The following KIF4A variants were observed in gnomAD, a reference collection of about 807,000 sequenced individuals.
KIF4A encodes the protein kinesin family member 4A.
A neutral mutation model predicts 105.9 loss-of-function variants in KIF4A; 7 were observed. The observed-to-expected ratio is 0.07, with a 90% CI of 0.04 to 0.12. The LOEUF is 0.12. KIF4A is among the 10% of genes least tolerant of loss of function. The probability of loss-of-function intolerance (pLI) is 1.00; values close to 1 mark genes in which losing one functional copy is unlikely to be tolerated. For synonymous variants in KIF4A, 281 were observed against 331.3 expected, an observed-to-expected ratio of 0.85 and a Z score of 1.65; for missense variants, 558 against 929.2, an observed-to-expected ratio of 0.60 and a Z score of 5.19.
chrX:70,377,606 CA>C (rs1204855249), intron 18 of KIF4A, among the ~76,000 whole-genome samples: 1 of 112,287 alleles, frequency 8.9e-6, no homozygotes, highest in Non-Finnish European at 1.9e-5. Flanking sequence ...CAGGATAGAC[CA>C]TATGCTAGAC....
chrX:70,363,038 T>G (rs1192622162), intron 15 of KIF4A, among the ~76,000 whole-genome samples: 1 of 111,114 alleles, frequency 9.0e-6, no homozygotes, highest in Non-Finnish European at 1.9e-5. Flanking sequence ...TCCTCCCACC[T>G]CAGCCTCCTG....
At chrX:70,290,670 C>G in intron 2 of KIF4A, 21 bp from the exon 3 acceptor site, 1 of 1,203,095 alleles carries the variant, frequency 8.3e-7, no homozygotes, top group South Asian at 1.8e-5. Flanking sequence ...AACCTTACGC[C>G]TTGTCCCGTG....
chrX:70,345,593 A>G (rs1049046777), intron 13 of KIF4A, among the ~76,000 whole-genome samples: 1 of 112,171 alleles, frequency 8.9e-6, no homozygotes, highest in Non-Finnish European at 1.9e-5. Context: ...AAAGGGTTGT[A>G]TGTCCGTGTG....
intron 10 of KIF4A, among the ~76,000 whole-genome samples, chrX:70,340,584 T>C (rs1278983989): frequency 8.9e-6 from 1 of 112,410 alleles, no homozygotes; most frequent in Non-Finnish European, 1.9e-5. Context: ...TAGTTTTTTT[T>C]ATAATCTGCA....
intron 20 of KIF4A, among the ~76,000 whole-genome samples, chrX:70,393,719 T>G (rs1355985631): frequency 1.1e-5 from 1 of 94,842 alleles, no homozygotes; most frequent in African/African-American, 3.6e-5. Flanking sequence ...TAGTATGTTG[T>G]TTTTTTTTTT....
At chrX:70,333,301 C>T (rs1159541611) in intron 9 of KIF4A, among the ~76,000 whole-genome samples, 1 of 94,166 alleles carries the variant, frequency 1.1e-5, no homozygotes, top group East Asian at 3.3e-4. Flanking sequence ...CCCTGGGCGA[C>T]AGAGCAAGAC....
chrX:70,349,542 G>A (rs1204931841), intron 13 of KIF4A, among the ~76,000 whole-genome samples: 1 of 101,545 alleles, frequency 9.8e-6, no homozygotes, highest in African/African-American at 3.7e-5. Context: ...AGACCGGGCA[G>A]CCGGGCAGAG....
intron 28 of KIF4A, among the ~76,000 whole-genome samples, chrX:70,417,592 A>G (rs1316632208): frequency 8.9e-6 from 1 of 111,950 alleles, no homozygotes; most frequent in African/African-American, 3.2e-5. Flanking sequence ...GGTTGCAGTG[A>G]GCGGAGATCG....
chrX:70,351,622 T>C (rs1381110747), intron 13 of KIF4A, among the ~76,000 whole-genome samples: 1 of 112,407 alleles, frequency 8.9e-6, no homozygotes, highest in Non-Finnish European at 1.9e-5. Flanking sequence ...CATATCTTTA[T>C]GATCAGTTCT....
intron 22 of KIF4A, among the ~76,000 whole-genome samples, chrX:70,399,609 C>T (rs2086272751): frequency 1.8e-5 from 2 of 109,048 alleles, no homozygotes; most frequent in Admixed American, 2.0e-4. Flanking sequence ...GTAAATGAGC[C>T]ATTCAGATTG....
rs1249013250 is a variant in KIF4A, at chrX:70,395,957, A to G, written c.2397A>G (p.Thr799=). 1 of 1,207,717 alleles carries G rather than the reference A, an allele frequency of 8.3e-7. No individual in the cohort carries two copies. The highest frequency in any genetic ancestry group is 1.8e-5 in the South Asian group (1 of 56,543). ...CTCACTATTATTTACAGAGGCGTAC[A>G]TTCTCCCTTACTGAAGTGCGTGGTC... ...ENPPPKLRRR[T]FSLTEVRGQV... Residue 799 remains threonine (T), a synonymous_variant, in exon 22 of 31, where the codon ACA becomes ACG. Transcript: ENST00000374403.
chrX:70,420,332 G>A lies in KIF4A; in HGVS notation c.*67G>A. ...TGCTTTCAGGTTGCAGCCAGAAGGG[G>A]TTTTTTAAATGACTTCTCTGGATTT... On this transcript the variant is annotated 3_prime_UTR_variant, in exon 31 of 31. Transcript: ENST00000374403. 1 of 1,112,259 alleles carries A rather than the reference G, an allele frequency of 9.0e-7. No individual in the cohort carries two copies. Among genetic ancestry groups the A allele is most frequent in the Non-Finnish European group, 1.2e-6 (1 of 843,312 alleles). 91.7% of individuals were successfully genotyped at this position (1,112,259 alleles called of 1,213,427 possible).
At chrX:70,335,184 A>G (rs1041912026) in intron 10 of KIF4A, among the ~76,000 whole-genome samples, 1 of 112,571 alleles carries the variant, frequency 8.9e-6, no homozygotes, top group Non-Finnish European at 1.9e-5. Flanking sequence ...AATGTGGTAT[A>G]TACATGCAAC....
intron 10 of KIF4A, among the ~76,000 whole-genome samples, 192 bp from the exon 11 acceptor site, chrX:70,341,607 A>G (rs2085972605): frequency 8.9e-6 from 1 of 111,918 alleles, no homozygotes; most frequent in Admixed American, 9.5e-5. Flanking sequence ...AGATGTGTTT[A>G]TTGTACATCC....
intron 3 of KIF4A, among the ~76,000 whole-genome samples, chrX:70,296,083 CT>C (rs386417082): frequency 6.2e-5 from 4 of 65,034 alleles, no homozygotes; most frequent in Non-Finnish European, 7.7e-5. Flanking sequence ...ATAAATGATG[CT>C]TTTTTTTTTT....
intron 28 of KIF4A, among the ~76,000 whole-genome samples, 156 bp downstream of exon 28, chrX:70,407,231 C>G (rs376765480): frequency 5.4e-5 from 6 of 111,326 alleles, no homozygotes; most frequent in African/African-American, 2.0e-4. Flanking sequence ...TCTCAGCCTC[C>G]TGAGTACCTG....
rs534850980 is a variant in KIF4A, at chrX:70,294,113, A to T, written c.236-2885A>T. Among the ~76,000 whole-genome samples the T allele has an allele frequency of 1.6e-4, 18 of 112,239 alleles. No homozygotes were observed. The South Asian group carries it at 6.3e-3, about 39-fold the overall frequency. The stretch of plus-strand genomic sequence containing the variant: ...TTATTCTGTAAGCTTTTTTCTTTTT[A>T]AAAAAATATATTTTTTTACTTTTTA... On this transcript the variant is annotated intron_variant, in intron 3 of 30. Transcript: ENST00000374403.
intron 28 of KIF4A, among the ~76,000 whole-genome samples, chrX:70,414,872 TCTCA>T (rs2086336940): frequency 1.8e-5 from 2 of 111,780 alleles, no homozygotes; most frequent in South Asian, 7.5e-4. Context: ...TGAGGTCTCT[TCTCA>T]CTCTGTTCCT....
At chrX:70,297,459 G>T (rs1039070875) in intron 4 of KIF4A, among the ~76,000 whole-genome samples, 66 of 112,227 alleles carry the variant, frequency 5.9e-4, no homozygotes, top group African/African-American at 2.1e-3. Context: ...CTCTGTTACT[G>T]ATTACCTGTA....
Sources: allele counts gnomAD v4.1 joint callset (sites outside exome capture counted in the v4.1 genomes callset), GRCh38; gene constraint gnomAD v4.1.1; transcripts MANE v1.5; gene names NCBI Gene and HGNC (gene_info 2026-07-23, HGNC 2026-07-21).